Variants in TJP2 observed in about 807,000 individuals in gnomAD.
TJP2 encodes the protein tight junction protein 2, also known as Friedreich ataxia region gene X104 (tight junction protein ZO-2).
TJP2 carries 91 observed loss-of-function variants against 133.1 expected under a neutral mutation model. The observed-to-expected ratio is 0.68, with a 90% CI of 0.58 to 0.81. The LOEUF is 0.81. Among genes scored for constraint, TJP2 ranks in the 40% least tolerant of loss-of-function variants. TJP2 has a pLI of 0.00. For missense variants in TJP2, 1,541 were observed against 1,565.6 expected, an observed-to-expected ratio of 0.98 and a Z score of 0.26; for synonymous variants, 592 against 583.4, an observed-to-expected ratio of 1.01 and a Z score of -0.21.
At chr9:69,190,100 ACT>A (rs1826110310) in intron 1 of TJP2, among the ~76,000 whole-genome samples, 1 of 151,362 alleles carries the variant, frequency 6.6e-6, no homozygotes, top group Non-Finnish European at 1.5e-5. Context: ...ACAGAGCGAG[ACT>A]CTGTCTCAAA....
Position 69,236,142 on chromosome 9 carries a change from G to T in TJP2, c.1895G>T (p.Arg632Leu). The change falls in exon 13 of 23, where the codon CGA becomes CTA. Residue 632 changes from arginine (R) to leucine (L), a missense_variant. Coordinates refer to ENST00000377245, the MANE Select transcript of TJP2 (RefSeq NM_004817.4). ...GCCTTCACCAGAGGGGAGGTCTTCC[G>T]AGTGGTAGACACACTGTATGACGGC... ...SLAFTRGEVF[R>L]VVDTLYDGKL... 1.9e-6 allele frequency: 3 copies of T among 1,614,154 alleles called. No homozygotes were observed. The highest frequency in any genetic ancestry group is 2.5e-6 in the Non-Finnish European group (3 of 1,180,020).
At chr9:69,142,347 C>A (rs1224510679) in intron 1 of TJP2, among the ~76,000 whole-genome samples, 1 of 152,168 alleles carries the variant, frequency 6.6e-6, no homozygotes, top group Non-Finnish European at 1.5e-5. Context: ...AAGAGCCACA[C>A]TAAACTTTAT....
chr9:69,210,822 C>T (rs1296793224), intron 1 of TJP2, among the ~76,000 whole-genome samples: 2 of 149,702 alleles, frequency 1.3e-5, no homozygotes, highest in Non-Finnish European at 3.0e-5. Flanking sequence ...TAAACTCCTG[C>T]ACTCAACTGA....
At chr9:69,131,491 T>C (rs540091935) in intron 1 of TJP2, among the ~76,000 whole-genome samples, 27 of 152,342 alleles carry the variant, frequency 1.8e-4, no homozygotes, top group African/African-American at 6.5e-4. Flanking sequence ...TGATTGTATA[T>C]TTCATTTTAA....
intron 2 of TJP2, among the ~76,000 whole-genome samples, chr9:69,161,389 C>T (rs1564391307): frequency 1.3e-5 from 2 of 152,136 alleles, no homozygotes; most frequent in Admixed American, 1.3e-4. Context: ...CCACCACACC[C>T]AGCTAATTTT....
chr9:69,247,122 A>G (rs1412202391), intron 18 of TJP2, among the ~76,000 whole-genome samples: 1 of 152,232 alleles, frequency 6.6e-6, no homozygotes, highest in Non-Finnish European at 1.5e-5. Context: ...CTTAGAGTGC[A>G]GATGAGAGGT....
rs1173634511 is a variant in TJP2 at position 69,240,104 on chromosome 9, T to A, written c.2523T>A (p.Asp841Glu). The A allele has an allele frequency of 6.2e-7, 1 of 1,613,994 alleles. No individual in the cohort carries two copies. Among genetic ancestry groups the A allele is most frequent in the Non-Finnish European group, 8.5e-7 (1 of 1,180,016 alleles). Reference sequence around the variant, plus strand: ...ACAAAAGTTCTCGAAAGTTATTTGATCAAGCCAACAAGCTTAAAAAAACGT... The same window carrying A: ...ACAAAAGTTCTCGAAAGTTATTTGAACAAGCCAACAAGCTTAAAAAAACGT... ...TSNKSSRKLF[D>E]QANKLKKTCA... Residue 841 changes from aspartate (D) to glutamate (E), a missense_variant, in exon 17 of 23, where the codon GAT (aspartate) becomes GAA (glutamate). Physicochemically the swap from Asp to Glu is conservative, Grantham distance 45 (BLOSUM62 2). Coordinates refer to ENST00000377245, the MANE Select transcript of TJP2 (RefSeq NM_004817.4).
chr9:69,245,871 G>T (rs185116341), intron 17 of TJP2, among the ~76,000 whole-genome samples: 65 of 152,304 alleles, frequency 4.3e-4, no homozygotes, highest in Admixed American at 9.2e-4. Context: ...GGTTGGGTTT[G>T]TTTAATCTAT....
In TJP2 at chr9:69,221,024, G is replaced by T; in HGVS notation, c.480G>T (p.Arg160=). The change falls in exon 5 of 23, where the codon CGG becomes CGT. Residue 160 remains arginine (R), a synonymous_variant. Coordinates refer to ENST00000377245, the MANE Select transcript of TJP2 (RefSeq NM_004817.4). The part of the protein sequence containing the change: ...SFRSGYSERS[R]LNSHGGRSRS... ...GGAGTGGCTACAGCGAGAGGAGCCG[G>T]CTGAACAGCCATGGGGGGCGCAGCC... 3 of 1,609,548 alleles carry T rather than the reference G, an allele frequency of 1.9e-6. No individual in the cohort carries two copies. Among genetic ancestry groups the T allele is most frequent in the Non-Finnish European group, 1.7e-6 (2 of 1,178,648 alleles).
intron 1 of TJP2, among the ~76,000 whole-genome samples, chr9:69,141,368 A>C (rs969644459): frequency 2.0e-5 from 3 of 151,922 alleles, no homozygotes; most frequent in Non-Finnish European, 4.4e-5. Context: ...TGCTCCCCCG[A>C]GCAGGACCCA....
intron 1 of TJP2, among the ~76,000 whole-genome samples, 166 bp downstream of exon 1, chr9:69,174,598 C>T (rs570478128): frequency 1.3e-5 from 2 of 152,346 alleles, no homozygotes; most frequent in African/African-American, 4.8e-5. Flanking sequence ...GTAGGTTTCA[C>T]CGTCCGGGCT....
At chr9:69,226,346 C>A (rs1829349912) in intron 7 of TJP2, among the ~76,000 whole-genome samples, 171 bp downstream of exon 7, 1 of 152,166 alleles carries the variant, frequency 6.6e-6, no homozygotes, top group Admixed American at 6.5e-5. Flanking sequence ...ATTAAAGTGC[C>A]TATTGAAATT....
chr9:69,225,181 T>TA, intron 5 of TJP2, 123 bp from the exon 6 acceptor site: 1 of 683,894 alleles, frequency 1.5e-6, no homozygotes, highest in African/African-American at 1.8e-5. Context: ...CCAGTCATCT[T>TA]ACAGAATTTC....
intron 1 of TJP2, among the ~76,000 whole-genome samples, chr9:69,134,988 AG>A (rs1822665503): frequency 6.6e-6 from 1 of 151,466 alleles, no homozygotes; most frequent in African/African-American, 2.4e-5. Flanking sequence ...AGAGAGAGAG[AG>A]AGAGAGATCT....
intron 4 of TJP2, among the ~76,000 whole-genome samples, chr9:69,219,011 C>T (rs1185243152): frequency 1.3e-5 from 2 of 151,352 alleles, no homozygotes; most frequent in Non-Finnish European, 2.9e-5. Flanking sequence ...CTCTTGTTGC[C>T]CAGGCTGGAG....
chr9:69,253,848 G>A, intron 22 of TJP2: 1 of 342,552 alleles, frequency 2.9e-6, no homozygotes, highest in East Asian at 7.3e-5. Flanking sequence ...AGTCAACCAG[G>A]TTGCCTCTGG....
At chr9:69,146,048 T>C (rs1020307478) in intron 1 of TJP2, among the ~76,000 whole-genome samples, 1 of 152,194 alleles carries the variant, frequency 6.6e-6, no homozygotes. Context: ...AATGGGTGTG[T>C]CTAGAGCCCA....
At position 69,216,481 on chromosome 9, in the gene TJP2, C is replaced by G; in HGVS notation, c.239+18C>G. On this transcript the variant is annotated intron_variant, in intron 3 of 22. Coordinates refer to ENST00000377245, the MANE Select transcript of TJP2 (RefSeq NM_004817.4). ...CTGCTCCAGTGAGTGTCCTCCCTCG[C>G]TCCGCAGCCCCTACCAGCCCTACTG... The G allele has an allele frequency of 6.2e-7, 1 of 1,613,884 alleles. No individual in the cohort carries two copies. Among genetic ancestry groups the G allele is most frequent in the African/African-American group, 1.3e-5 (1 of 75,018 alleles).
chr9:69,249,666 C>A, intron 20 of TJP2, 181 bp downstream of exon 20: 1 of 984,834 alleles, frequency 1.0e-6, no homozygotes, highest in Non-Finnish European at 1.2e-6. Flanking sequence ...TAGGGAAGGG[C>A]AAAAAGGAAG....
Sources: gnomAD v4.1 joint callset for allele counts (sites outside exome capture counted in the v4.1 genomes callset) on GRCh38, gnomAD v4.1.1 for gene constraint, MANE v1.5 for transcripts, NCBI Gene and HGNC (gene_info 2026-07-23, HGNC 2026-07-21) for gene names.